The following FNDC3B variants were observed in gnomAD, a reference collection of about 807,000 sequenced individuals.
FNDC3B encodes the protein fibronectin type III domain-containing protein 3B.
In FNDC3B, 12 loss-of-function variants were observed where a neutral mutation model predicts 151.5. The observed-to-expected ratio is 0.08, with a 90% CI of 0.05 to 0.13. The LOEUF is 0.13. Ranked by LOEUF, FNDC3B falls within the 10% of genes least tolerant of loss-of-function variation. The pLI is 1.00. For synonymous variants in FNDC3B, 528 were observed against 549.0 expected, an observed-to-expected ratio of 0.96 and a Z score of 0.54; for missense variants, 1,214 against 1,505.3, an observed-to-expected ratio of 0.81 and a Z score of 3.20.
At chr3:172,340,358 T>C (rs960008618) in intron 16 of FNDC3B, among the ~76,000 whole-genome samples, 1 of 150,024 alleles carries the variant, frequency 6.7e-6, no homozygotes, top group Non-Finnish European at 1.5e-5. Flanking sequence ...CAATCTCGGC[T>C]CACTGCAACC....
chr3:172,076,453 A>T (rs1343906343), intron 1 of FNDC3B, among the ~76,000 whole-genome samples: 2 of 152,200 alleles, frequency 1.3e-5, no homozygotes, highest in South Asian at 4.1e-4. Context: ...GCTCAGTTGC[A>T]CGTGATCTTT....
At chr3:172,124,896 A>C (rs1720735148) in intron 2 of FNDC3B, among the ~76,000 whole-genome samples, 1 of 152,208 alleles carries the variant, frequency 6.6e-6, no homozygotes, top group Admixed American at 6.5e-5. Flanking sequence ...TTCATCCAGT[A>C]ATTACACACG....
chr3:172,270,456 G>A (rs977515259), intron 6 of FNDC3B, among the ~76,000 whole-genome samples: 8 of 152,096 alleles, frequency 5.3e-5, no homozygotes, highest in African/African-American at 1.7e-4. Context: ...TAACATGTGG[G>A]GCCCATTCTG....
At chr3:172,105,619 T>TAA (rs537392799) in intron 1 of FNDC3B, among the ~76,000 whole-genome samples, 6,692 of 127,116 alleles carry the variant, frequency 0.053, 252 homozygotes, top group East Asian at 0.2. Flanking sequence ...ATTGTTTTCT[T>TAA]AAAAAAAAAA....
chr3:172,077,890 C>T (rs35170955), intron 1 of FNDC3B, among the ~76,000 whole-genome samples: 3,034 of 152,220 alleles, frequency 0.02, 40 homozygotes, highest in Non-Finnish European at 0.03. Context: ...AAATAAAGCA[C>T]ACAGAAAAGT....
intron 21 of FNDC3B, among the ~76,000 whole-genome samples, chr3:172,347,610 C>G (rs1253876797): frequency 6.6e-6 from 1 of 152,210 alleles, no homozygotes; most frequent in African/African-American, 2.4e-5. Flanking sequence ...ACCCTTGTAT[C>G]TTGTCTGTTC....
chr3:172,302,757 T>A (rs545150908), intron 9 of FNDC3B: 90 of 152,332 alleles, frequency 5.9e-4, no homozygotes, highest in African/African-American at 2.1e-3. Flanking sequence ...GGAATCCATT[T>A]GTAATTGTCA....
intron 9 of FNDC3B, among the ~76,000 whole-genome samples, chr3:172,304,403 A>G (rs1190428549): frequency 6.6e-6 from 1 of 152,232 alleles, no homozygotes; most frequent in Non-Finnish European, 1.5e-5. Context: ...ATGCCCAGTC[A>G]TTGCAAACTG....
chr3:172,242,240 C>T (rs1727535009), intron 4 of FNDC3B, among the ~76,000 whole-genome samples: 1 of 152,216 alleles, frequency 6.6e-6, no homozygotes, highest in South Asian at 2.1e-4. Flanking sequence ...GCAGATTTTC[C>T]AGGCATGTGA....
At chr3:172,177,054 G>C (rs1195641986) in intron 3 of FNDC3B, among the ~76,000 whole-genome samples, 4 of 152,186 alleles carry the variant, frequency 2.6e-5, no homozygotes, top group Admixed American at 2.0e-4. Flanking sequence ...CTGGGGAGAT[G>C]GTGGAGGATG....
chr3:172,316,326 C>A, intron 11 of FNDC3B: 1 of 439,794 alleles, frequency 2.3e-6, no homozygotes, highest in Non-Finnish European at 4.5e-6. Context: ...TGACATATCA[C>A]TATCTAGCAG....
chr3:172,236,389 C>G (rs1055468087), intron 4 of FNDC3B, among the ~76,000 whole-genome samples: 1 of 152,164 alleles, frequency 6.6e-6, no homozygotes, highest in East Asian at 1.9e-4. Flanking sequence ...GAAGATTCCT[C>G]AGCTAGAATT....
chr3:172,233,970 G>T (rs542155595), intron 4 of FNDC3B, among the ~76,000 whole-genome samples: 1 of 152,166 alleles, frequency 6.6e-6, no homozygotes, highest in South Asian at 2.1e-4. Flanking sequence ...TTTATCTTGT[G>T]GCTTATTTTG....
intron 3 of FNDC3B, among the ~76,000 whole-genome samples, chr3:172,137,293 A>C (rs1290534297): frequency 6.6e-6 from 1 of 152,204 alleles, no homozygotes; most frequent in Non-Finnish European, 1.5e-5. Context: ...TTGTGACACC[A>C]CTAGAAAGAC....
chr3:172,345,455 G>C (rs997013016), intron 19 of FNDC3B, among the ~76,000 whole-genome samples: 10 of 151,986 alleles, frequency 6.6e-5, no homozygotes, highest in African/African-American at 2.4e-4. Flanking sequence ...TCTTCAGCTT[G>C]GGTTTATTCC....
intron 25 of FNDC3B, among the ~76,000 whole-genome samples, chr3:172,387,550 C>T (rs767281123): frequency 1.3e-5 from 2 of 152,182 alleles, no homozygotes; most frequent in Non-Finnish European, 2.9e-5. Context: ...AGATAGACCT[C>T]TTTAAAAACC....
At chr3:172,173,760 G>A (rs1361285597) in intron 3 of FNDC3B, among the ~76,000 whole-genome samples, 2 of 142,056 alleles carry the variant, frequency 1.4e-5, no homozygotes, top group Non-Finnish European at 3.1e-5. Flanking sequence ...TGTCAAGGCT[G>A]TTTGAGTTGT....
At position 172,316,342 on chromosome 3, in the gene FNDC3B, G is replaced by T. The variant is rs551498495; in HGVS notation, c.1254+5461G>T. ...GACATATCACTATCTAGCAGAGGTG[G>T]GAGTTTTTCTCTAGAAGAAGCTATG... On this transcript the variant is annotated intron_variant, in intron 11 of 25. Coordinates refer to ENST00000415807, the MANE Select transcript of FNDC3B (RefSeq NM_022763.4). The T allele has an allele frequency of 2.5e-4, 112 of 446,118 alleles. 1 individual carries two copies. In the East Asian group the frequency reaches 6.6e-3, roughly 26 times the overall value. The allele number at this position is 446,118 out of a possible 1,614,324, so 27.6% of individuals were successfully genotyped here.
At chr3:172,356,033 ATTTG>A (rs1288209964) in intron 22 of FNDC3B, among the ~76,000 whole-genome samples, 4 of 152,154 alleles carry the variant, frequency 2.6e-5, no homozygotes, top group African/African-American at 4.8e-5. Flanking sequence ...CTTAAAGTAG[ATTTG>A]TTTGTTTTGC....
Sources: gnomAD v4.1 joint callset for allele counts (sites outside exome capture counted in the v4.1 genomes callset) on GRCh38, gnomAD v4.1.1 for gene constraint, MANE v1.5 for transcripts, NCBI Gene and HGNC (gene_info 2026-07-23, HGNC 2026-07-21) for gene names.